The following CDH12 variants were observed in gnomAD, a reference collection of about 807,000 sequenced individuals.
The protein encoded by CDH12 is cadherin-12.
In CDH12, 41 loss-of-function variants were observed where a neutral mutation model predicts 74.1. The observed-to-expected ratio is 0.55, with a 90% confidence interval of 0.43 to 0.72. CDH12 has a LOEUF of 0.72. Among genes scored for constraint, CDH12 ranks in the 30% least tolerant of loss-of-function variants. The pLI is 0.00. For missense variants in CDH12, 945 were observed against 977.2 expected (o/e 0.97, Z 0.44); for synonymous variants, 399 against 355.0 (o/e 1.12, Z -1.39).
intron 1 of CDH12, among the ~76,000 whole-genome samples, chr5:22,736,420 T>C (rs1451635429): frequency 6.6e-6 from 1 of 151,858 alleles, no homozygotes; most frequent in African/African-American, 2.4e-5. Context: ...AAGGTAATTG[T>C]ATTTAGTTTT....
At chr5:22,523,224 C>T (rs942349713) in intron 1 of CDH12, among the ~76,000 whole-genome samples, 27 of 152,052 alleles carry the variant, frequency 1.8e-4, no homozygotes, top group Admixed American at 2.0e-4. Flanking sequence ...GCTGATTTCA[C>T]GTCATATTTG....
At chr5:22,162,081 T>C (rs965532816) in intron 4 of CDH12, among the ~76,000 whole-genome samples, 10 of 150,512 alleles carry the variant, frequency 6.6e-5, no homozygotes, top group Non-Finnish European at 1.3e-4. Context: ...TCAGTCACCC[T>C]TTACACAGTT....
At chr5:22,114,439 T>A (rs1744979047) in intron 4 of CDH12, among the ~76,000 whole-genome samples, 1 of 152,164 alleles carries the variant, frequency 6.6e-6, no homozygotes, top group Non-Finnish European at 1.5e-5. Context: ...GTTACACCTA[T>A]AAATGTATCT....
chr5:22,476,129 T>C (rs1396157119), intron 2 of CDH12, among the ~76,000 whole-genome samples: 4 of 152,102 alleles, frequency 2.6e-5, no homozygotes, highest in African/African-American at 9.7e-5. Context: ...TTTATGTATT[T>C]ATCACTGTCA....
At chr5:22,347,883 T>C (rs1241553740) in intron 3 of CDH12, among the ~76,000 whole-genome samples, 2 of 152,130 alleles carry the variant, frequency 1.3e-5, no homozygotes, top group Non-Finnish European at 2.9e-5. Flanking sequence ...GATTTCAACA[T>C]TTTACAGTCA....
At chr5:22,083,306 A>G (rs1742861234) in intron 4 of CDH12, among the ~76,000 whole-genome samples, 1 of 152,186 alleles carries the variant, frequency 6.6e-6, no homozygotes, top group Non-Finnish European at 1.5e-5. Context: ...TCCTGAGTCC[A>G]AACTCCTTAG....
chr5:21,827,138 T>C (rs1197068738), intron 8 of CDH12, among the ~76,000 whole-genome samples: 1 of 152,162 alleles, frequency 6.6e-6, no homozygotes, highest in Non-Finnish European at 1.5e-5. Context: ...AAGTAGTATC[T>C]CTGATTGAAA....
chr5:21,927,945 G>A (rs1345332785), intron 6 of CDH12, among the ~76,000 whole-genome samples: 1 of 151,860 alleles, frequency 6.6e-6, no homozygotes, highest in Non-Finnish European at 1.5e-5. Context: ...GGTAGCTGGC[G>A]CCTGCAGTCC....
At chr5:22,819,449 C>T (rs547791551) in intron 1 of CDH12, among the ~76,000 whole-genome samples, 1 of 151,922 alleles carries the variant, frequency 6.6e-6, no homozygotes, top group Non-Finnish European at 1.5e-5. Flanking sequence ...AAGTGGGCAA[C>T]TCAAAAAATC....
At chr5:22,165,599 C>A (rs1748639245) in intron 4 of CDH12, among the ~76,000 whole-genome samples, 1 of 152,124 alleles carries the variant, frequency 6.6e-6, no homozygotes, top group African/African-American at 2.4e-5. Context: ...ATGTCAGAGG[C>A]CTTTGAACCA....
At chr5:22,500,875 C>G (rs1288464130) in intron 2 of CDH12, among the ~76,000 whole-genome samples, 3 of 151,992 alleles carry the variant, frequency 2.0e-5, no homozygotes, top group Non-Finnish European at 2.9e-5. Context: ...GATTGTTGTC[C>G]CATAGACCAT....
At chr5:22,294,599 A>G (rs1423683725) in intron 3 of CDH12, among the ~76,000 whole-genome samples, 1 of 152,150 alleles carries the variant, frequency 6.6e-6, no homozygotes, top group Non-Finnish European at 1.5e-5. Flanking sequence ...GTTAATCTGA[A>G]GTCAACATAG....
chr5:22,112,876 G>A (rs913410850), intron 4 of CDH12, among the ~76,000 whole-genome samples: 8 of 152,208 alleles, frequency 5.3e-5, no homozygotes, highest in African/African-American at 1.9e-4. Flanking sequence ...ATACATTAAA[G>A]GGGCAGTTTA....
At chr5:21,960,234 A>T (rs1756295062) in intron 6 of CDH12, among the ~76,000 whole-genome samples, 1 of 152,180 alleles carries the variant, frequency 6.6e-6, no homozygotes, top group Non-Finnish European at 1.5e-5. Flanking sequence ...AACAGAATAT[A>T]CATTCTTCTC....
chr5:22,760,271 G>A (rs1366279908), intron 1 of CDH12, among the ~76,000 whole-genome samples: 1 of 152,182 alleles, frequency 6.6e-6, no homozygotes, highest in Non-Finnish European at 1.5e-5. Context: ...GTTAACTATA[G>A]AATCTAAATA....
intron 6 of CDH12, among the ~76,000 whole-genome samples, chr5:21,873,585 T>C (rs1412266451): frequency 6.6e-6 from 1 of 152,182 alleles, no homozygotes; most frequent in East Asian, 1.9e-4. Flanking sequence ...ATTTTGATAA[T>C]TTGAAACCAT....
At chr5:22,577,826 CAAG>C (rs1228304670) in intron 1 of CDH12, among the ~76,000 whole-genome samples, 1 of 152,132 alleles carries the variant, frequency 6.6e-6, no homozygotes, top group African/African-American at 2.4e-5. Context: ...GTATAATTTG[CAAG>C]AAGACCTAAA....
chr5:22,214,919 G>A (rs960430266), intron 3 of CDH12, among the ~76,000 whole-genome samples: 3 of 152,140 alleles, frequency 2.0e-5, no homozygotes, highest in African/African-American at 7.2e-5. Flanking sequence ...TTTAACCTAT[G>A]TTGGAACACT....
chr5:22,113,203 A>T (rs2150263091), intron 4 of CDH12, among the ~76,000 whole-genome samples: 1 of 152,260 alleles, frequency 6.6e-6, no homozygotes, highest in East Asian at 1.9e-4. Context: ...ACCCCAAAAC[A>T]TGTTTCTTTG....
Sources: allele counts gnomAD v4.1 joint callset (sites outside exome capture counted in the v4.1 genomes callset), GRCh38; gene constraint gnomAD v4.1.1; transcripts MANE v1.5; gene names NCBI Gene and HGNC (gene_info 2026-07-23, HGNC 2026-07-21).